Variants in OSBPL10 observed in about 807,000 individuals in gnomAD.
OSBPL10 encodes oxysterol binding protein like 10, also known as oxysterol-binding protein-related protein 10.
In OSBPL10, 49 loss-of-function variants were observed where a neutral mutation model predicts 81.7. The observed-to-expected ratio is 0.60, with a 90% CI of 0.48 to 0.76. The LOEUF is 0.76. Among genes scored for constraint, OSBPL10 ranks in the 30% least tolerant of loss-of-function variants. The pLI, the probability that OSBPL10 is intolerant of heterozygous loss-of-function variation, is 0.00. For missense variants in OSBPL10, 923 were observed against 987.8 expected, an observed-to-expected ratio of 0.93 and a Z score of 0.88; for synonymous variants, 419 against 383.6, an observed-to-expected ratio of 1.09 and a Z score of -1.08.
chr3:31,853,602 T>C (rs1452804667), intron 3 of OSBPL10, among the ~76,000 whole-genome samples: 1 of 152,224 alleles, frequency 6.6e-6, no homozygotes, highest in African/African-American at 2.4e-5. Flanking sequence ...CTGACTCTAC[T>C]TAAATATTAA....
intron 5 of OSBPL10, among the ~76,000 whole-genome samples, chr3:31,736,879 A>G (rs914876688): frequency 6.6e-6 from 1 of 152,178 alleles, no homozygotes; most frequent in Non-Finnish European, 1.5e-5. Context: ...CCCAGGCAAC[A>G]CAGTAAGACC....
intron 4 of OSBPL10, among the ~76,000 whole-genome samples, chr3:31,777,306 T>C: frequency 6.6e-6 from 1 of 152,202 alleles, no homozygotes; most frequent in East Asian, 1.9e-4. Context: ...AATACACTTT[T>C]CAAGGCCCAG....
In OSBPL10 at chr3:31,988,937, G is replaced by A. The variant is rs1413801461; in HGVS notation, n.298+57554C>T. 5.8e-5 allele frequency: 63 copies of A among 1,082,516 alleles called. 1 individual carries two copies. The highest frequency in any genetic ancestry group is 5.6e-4 in the South Asian group (34 of 61,100). The allele number at this position is 1,082,516 out of a possible 1,614,324, so 67.1% of individuals were successfully genotyped here. ...GTGCCTCCAAACCCCGACCCACAGC[G>A]ACTGTGAGATAATCAGTGTTTGTTG... On this transcript the variant is annotated intron_variant and non_coding_transcript_variant, in intron 2 of 3. Transcript: ENST00000479173.
At chr3:31,945,829 A>T (rs1474284248) in intron 1 of OSBPL10, among the ~76,000 whole-genome samples, 1 of 152,222 alleles carries the variant, frequency 6.6e-6, no homozygotes, top group African/African-American at 2.4e-5. Context: ...TGGTACGAAT[A>T]ACGTATCATG....
At chr3:31,702,654 G>A (rs1007729984) in intron 6 of OSBPL10, 146 bp from the exon 7 acceptor site, 37 of 1,122,090 alleles carry the variant, frequency 3.3e-5, no homozygotes, top group African/African-American at 4.7e-5. Flanking sequence ...TATTGGCCAC[G>A]GGGCAGACAA....
At chr3:32,028,530 T>G (rs915041979) in intron 2 of OSBPL10, among the ~76,000 whole-genome samples, 6 of 152,344 alleles carry the variant, frequency 3.9e-5, no homozygotes, top group South Asian at 2.1e-4. Context: ...ATCTGTGTTT[T>G]GGATACATAC....
At chr3:31,791,683 G>A (rs1008032513) in intron 4 of OSBPL10, among the ~76,000 whole-genome samples, 4 of 151,304 alleles carry the variant, frequency 2.6e-5, no homozygotes, top group South Asian at 2.1e-4. Flanking sequence ...AGCTGTGTAC[G>A]GCCAAAGTAA....
At chr3:31,913,871 C>T (rs560859271) in intron 1 of OSBPL10, among the ~76,000 whole-genome samples, 6 of 152,308 alleles carry the variant, frequency 3.9e-5, no homozygotes, top group African/African-American at 1.4e-4. Flanking sequence ...GAACCAAGAA[C>T]TAACCAGAGG....
chr3:31,725,695 G>C (rs1243806589), intron 6 of OSBPL10, among the ~76,000 whole-genome samples: 1 of 152,192 alleles, frequency 6.6e-6, no homozygotes, highest in Non-Finnish European at 1.5e-5. Flanking sequence ...CATCACAGCA[G>C]CATATGTAAG....
intron 3 of OSBPL10, among the ~76,000 whole-genome samples, chr3:31,857,654 GAAT>G (rs1350588460): frequency 2.0e-5 from 3 of 149,440 alleles, no homozygotes; most frequent in Non-Finnish European, 4.4e-5. Flanking sequence ...TGAAAATTTT[GAAT>G]AATATCAAAA....
At chr3:31,791,849 C>CA (rs10536591) in intron 4 of OSBPL10, among the ~76,000 whole-genome samples, 4,886 of 124,498 alleles carry the variant, frequency 0.039, 99 homozygotes, top group Non-Finnish European at 0.056. Context: ...TTACAAAGAG[C>CA]AAAAAAAAAA....
intron 6 of OSBPL10, among the ~76,000 whole-genome samples, chr3:31,730,752 T>C (rs1242793595): frequency 6.6e-6 from 1 of 152,224 alleles, no homozygotes; most frequent in Non-Finnish European, 1.5e-5. Flanking sequence ...CTGTTTCAGA[T>C]GTAGGTTATT....
At chr3:32,073,067 T>C (rs9844437) in intron 1 of OSBPL10, among the ~76,000 whole-genome samples, 18 of 151,960 alleles carry the variant, frequency 1.2e-4, no homozygotes, top group Admixed American at 1.0e-3. Flanking sequence ...TCAGCCTCCA[T>C]CTTAAAAAGG....
At chr3:31,845,236 C>G (rs2125563108) in intron 3 of OSBPL10, among the ~76,000 whole-genome samples, 1 of 152,298 alleles carries the variant, frequency 6.6e-6, no homozygotes, top group East Asian at 1.9e-4. Flanking sequence ...CCTGCTCATC[C>G]TGAAAGGGTT....
intron 2 of OSBPL10, among the ~76,000 whole-genome samples, chr3:32,016,247 C>T (rs1305822549): frequency 6.6e-6 from 1 of 152,120 alleles, no homozygotes; most frequent in African/African-American, 2.4e-5. Context: ...ACATATACAC[C>T]ATGGAATACT....
chr3:31,812,806 GAA>G (rs1277757141), intron 4 of OSBPL10, among the ~76,000 whole-genome samples: 34 of 51,670 alleles, frequency 6.6e-4, no homozygotes, highest in Middle Eastern at 0.013. Flanking sequence ...AAGAAAGAAA[GAA>G]AGAAAGAAAG....
At chr3:31,684,230 G>T (rs1169891381) in intron 7 of OSBPL10, 116 bp from the exon 8 acceptor site, 3 of 1,393,914 alleles carry the variant, frequency 2.2e-6, no homozygotes, top group Non-Finnish European at 2.9e-6. Flanking sequence ...CAGCCAGGGA[G>T]CAGTCTGTTT....
intron 1 of OSBPL10, among the ~76,000 whole-genome samples, chr3:31,964,306 A>T (rs1300074871): frequency 2.6e-5 from 4 of 152,146 alleles, no homozygotes; most frequent in Non-Finnish European, 5.9e-5. Flanking sequence ...ACAGGTGTGC[A>T]CCACCACACC....
Position 31,916,690 on chromosome 3 carries a change from C to T in OSBPL10, c.282-36860G>A, listed in dbSNP as rs372993441. 2.0e-4 allele frequency among the ~76,000 whole-genome samples: 30 copies of T among 152,292 alleles called. 2 individuals are homozygous for T. Among genetic ancestry groups the T allele is most frequent in the African/African-American group, 7.2e-4 (30 of 41,564 alleles). ...ATATTGGAGTGGACACTTTCAAAAT[C>T]ACCTTTCCCTGATAACATAAAAGCT... On this transcript the variant is annotated intron_variant, in intron 1 of 11. Coordinates refer to ENST00000396556, the MANE Select transcript of OSBPL10 (RefSeq NM_017784.5).
Sources: allele counts gnomAD v4.1 joint callset (sites outside exome capture counted in the v4.1 genomes callset), GRCh38; gene constraint gnomAD v4.1.1; transcripts MANE v1.5; gene names NCBI Gene and HGNC (gene_info 2026-07-23, HGNC 2026-07-21).